SLC24A3: variants seen among roughly 807,000 people sequenced by gnomAD.
The protein encoded by SLC24A3 is sodium/potassium/calcium exchanger 3.
In SLC24A3, 28 loss-of-function variants were observed where a neutral mutation model predicts 75.8. That is an observed-to-expected ratio of 0.37 (90% CI 0.27 to 0.51). The LOEUF (loss-of-function observed/expected upper bound fraction) is 0.51. Among genes scored for constraint, SLC24A3 ranks in the 20% least tolerant of loss-of-function variants. SLC24A3 has a pLI of 0.94. For synonymous variants in SLC24A3, 372 were observed against 334.1 expected (o/e 1.11, Z -1.24); for missense variants, 663 against 847.8 (o/e 0.78, Z 2.71).
At chr20:19,561,518 C>T (rs894594757) in intron 3 of SLC24A3, among the ~76,000 whole-genome samples, 1 of 152,148 alleles carries the variant, frequency 6.6e-6, no homozygotes, top group East Asian at 1.9e-4. Context: ...GAAGTAGCCC[C>T]CACAGATGCA....
At chr20:19,476,004 G>A (rs1457797049) in intron 2 of SLC24A3, among the ~76,000 whole-genome samples, 2 of 152,204 alleles carry the variant, frequency 1.3e-5, no homozygotes, top group African/African-American at 2.4e-5. Context: ...TCAGACAGAA[G>A]GACAGTTTAG....
At chr20:19,607,622 C>T (rs765138208) in intron 6 of SLC24A3, among the ~76,000 whole-genome samples, 1 of 152,204 alleles carries the variant, frequency 6.6e-6, no homozygotes, top group Non-Finnish European at 1.5e-5. Context: ...CGACTGTCCA[C>T]ATCCAGACTG....
chr20:19,605,365 G>A (rs1454405015), intron 6 of SLC24A3, among the ~76,000 whole-genome samples: 1 of 151,986 alleles, frequency 6.6e-6, no homozygotes, highest in East Asian at 1.9e-4. Context: ...TGGCTAGTCT[G>A]TTTCCAATTA....
intron 2 of SLC24A3, among the ~76,000 whole-genome samples, chr20:19,308,609 C>A (rs768399592): frequency 6.6e-6 from 1 of 152,194 alleles, no homozygotes; most frequent in Non-Finnish European, 1.5e-5. Context: ...ATACTTGATG[C>A]ACTTCGCAAA....
At chr20:19,601,815 T>G (rs1375056587) in intron 6 of SLC24A3, among the ~76,000 whole-genome samples, 1 of 152,140 alleles carries the variant, frequency 6.6e-6, no homozygotes, top group Non-Finnish European at 1.5e-5. Flanking sequence ...AAGTTAATGT[T>G]TAAGACTCCT....
intron 1 of SLC24A3, among the ~76,000 whole-genome samples, chr20:19,260,321 C>T (rs1600397725): frequency 6.6e-6 from 1 of 152,248 alleles, no homozygotes; most frequent in East Asian, 1.9e-4. Context: ...GATAACAACA[C>T]CCAGCTCTCA....
chr20:19,294,700 G>A (rs1984020714), intron 2 of SLC24A3, among the ~76,000 whole-genome samples: 1 of 152,096 alleles, frequency 6.6e-6, no homozygotes, highest in South Asian at 2.1e-4. Flanking sequence ...TTGGCATTTG[G>A]ATTGATTCCA....
In SLC24A3 at chr20:19,722,633, C is replaced by T. The variant is rs149923043; in HGVS notation, c.*1493C>T. ...AAGCACTGATCACTTATCATTCATTCGGTATGGTTTTCCCTGTCCCTTGTA... is the reference window on the plus strand; with the variant it reads ...AAGCACTGATCACTTATCATTCATTTGGTATGGTTTTCCCTGTCCCTTGTA... On this transcript the variant is annotated 3_prime_UTR_variant, in exon 17 of 17. Transcript: ENST00000328041. 5.2e-5 allele frequency: 8 copies of T among 152,736 alleles called. No homozygotes were observed. Among genetic ancestry groups the T allele is most frequent in the African/African-American group, 1.9e-4 (8 of 41,558 alleles). 9.5% of individuals were successfully genotyped at this position (152,736 alleles called of 1,614,324 possible).
chr20:19,301,425 G>A (rs1984194304), intron 2 of SLC24A3, among the ~76,000 whole-genome samples: 1 of 152,112 alleles, frequency 6.6e-6, no homozygotes, highest in South Asian at 2.1e-4. Flanking sequence ...CCCAGAAATC[G>A]ATAGAATGCT....
chr20:19,601,985 C>A (rs2031533153), intron 6 of SLC24A3, among the ~76,000 whole-genome samples: 2 of 152,054 alleles, frequency 1.3e-5, no homozygotes, highest in African/African-American at 2.4e-5. Flanking sequence ...CCAGCCTGGG[C>A]AACATGGTGA....
At position 19,281,014 on chromosome 20, in the gene SLC24A3, G is replaced by A; in HGVS notation, c.198G>A (p.Lys66=). The A allele has an allele frequency of 6.2e-7, 1 of 1,614,142 alleles. No homozygotes were observed. Among genetic ancestry groups the A allele is most frequent in the Non-Finnish European group, 8.5e-7 (1 of 1,179,996 alleles). The change falls in exon 2 of 17, where the codon AAG becomes AAA. Residue 66 remains lysine (K), a synonymous_variant. Coordinates refer to ENST00000328041, the MANE Select transcript of SLC24A3 (RefSeq NM_020689.4). ...ACAGAAAGTGGATGATGGCGAGGAAGCTGATGCAGGTGAACGACACTCTGA... is the reference window on the plus strand; with the variant it reads ...ACAGAAAGTGGATGATGGCGAGGAAACTGATGCAGGTGAACGACACTCTGA... The part of the protein sequence containing the change: ...GEDRKWMMAR[K]LMQVNDTLTS...
At chr20:19,489,767 C>G (rs780634475) in intron 2 of SLC24A3, among the ~76,000 whole-genome samples, 1 of 132,338 alleles carries the variant, frequency 7.6e-6, no homozygotes, top group African/African-American at 3.1e-5. Context: ...TATATATGTT[C>G]AGAAAACAGT....
chr20:19,670,893 G>T (rs66762787), intron 8 of SLC24A3, among the ~76,000 whole-genome samples: 2 of 152,068 alleles, frequency 1.3e-5, no homozygotes, highest in South Asian at 2.1e-4. Context: ...GGGTGTCTGC[G>T]TGGGGAGAAA....
chr20:19,310,457 A>G (rs1377323595), intron 2 of SLC24A3, among the ~76,000 whole-genome samples: 2 of 152,256 alleles, frequency 1.3e-5, no homozygotes, highest in East Asian at 3.9e-4. Context: ...AAAAATCAAT[A>G]AGGCTCTGAA....
At chr20:19,326,851 T>G (rs1984875400) in intron 2 of SLC24A3, among the ~76,000 whole-genome samples, 1 of 152,134 alleles carries the variant, frequency 6.6e-6, no homozygotes, top group Admixed American at 6.6e-5. Flanking sequence ...CTAAAGTATG[T>G]TGTCCTTTTT....
intron 3 of SLC24A3, among the ~76,000 whole-genome samples, chr20:19,544,476 A>G (rs543874018): frequency 7.2e-5 from 11 of 152,316 alleles, no homozygotes; most frequent in Admixed American, 1.3e-4. Flanking sequence ...GTAACGTGAA[A>G]TTCTAGCGCT....
chr20:19,562,640 T>C (rs1256879213), intron 3 of SLC24A3, among the ~76,000 whole-genome samples: 2 of 152,214 alleles, frequency 1.3e-5, no homozygotes. Flanking sequence ...TCGTTAGCTG[T>C]ACTAAATCTT....
chr20:19,342,617 A>C (rs1433759307), intron 2 of SLC24A3, among the ~76,000 whole-genome samples: 1 of 152,222 alleles, frequency 6.6e-6, no homozygotes, highest in Non-Finnish European at 1.5e-5. Context: ...TATGTACCAA[A>C]TGTTAAGAAG....
At chr20:19,536,523 T>C (rs984177337) in intron 3 of SLC24A3, among the ~76,000 whole-genome samples, 1 of 152,136 alleles carries the variant, frequency 6.6e-6, no homozygotes, top group Non-Finnish European at 1.5e-5. Context: ...TGGGAAAAAC[T>C]ACTTTAAAGT....
Sources: gnomAD v4.1 joint callset for allele counts (sites outside exome capture counted in the v4.1 genomes callset) on GRCh38, gnomAD v4.1.1 for gene constraint, MANE v1.5 for transcripts, NCBI Gene and HGNC (gene_info 2026-07-23, HGNC 2026-07-21) for gene names.